MYH15: variants seen among roughly 807,000 people sequenced by gnomAD.
MYH15 encodes the protein myosin heavy chain 15.
MYH15 carries 227 observed loss-of-function variants against 240.5 expected under a neutral mutation model. The ratio of observed to expected loss-of-function variants is 0.94; its 90% CI spans 0.85 to 1.05. The LOEUF (loss-of-function observed/expected upper bound fraction) is 1.05, where lower values mean the gene tolerates loss of function less well. Among genes scored for constraint, MYH15 ranks in the 50% least tolerant of loss-of-function variants. The probability of loss-of-function intolerance (pLI) is 0.00; values close to 1 mark genes in which losing one functional copy is unlikely to be tolerated. For missense variants in MYH15, 2,217 were observed against 2,247.5 expected, an observed-to-expected ratio of 0.99 and a Z score of 0.27; for synonymous variants, 785 against 796.7, an observed-to-expected ratio of 0.99 and a Z score of 0.25.
Position 108,463,223 on chromosome 3 carries a change from A to G in MYH15, c.1752T>C (p.Gly584=), listed in dbSNP as rs1479045178. 6 of 1,611,272 alleles carry G rather than the reference A, an allele frequency of 3.7e-6. No homozygotes were observed. The highest frequency in any genetic ancestry group is 1.3e-5 in the African/African-American group (1 of 74,706). ...GGAGGTCTTTGTTCTTTTCCAGCCAACCACTGATATTATAAGGTACCTTTG... is the reference window on the plus strand; with the variant it reads ...GGAGGTCTTTGTTCTTTTCCAGCCAGCCACTGATATTATAAGGTACCTTTG... ...YAGVVPYNIS[G]WLEKNKDLLN... Residue 584 remains glycine, a synonymous_variant, in exon 16 of 41, where the codon GGT becomes GGC. Coordinates refer to ENST00000693548, the MANE Select transcript of MYH15 (RefSeq NM_014981.3).
chr3:108,464,653 G>C lies in MYH15; in HGVS notation c.1716C>G (p.Val572=), dbSNP rs767643785. 6 of 1,612,384 alleles carry C rather than the reference G, an allele frequency of 3.7e-6. No individual in the cohort carries two copies. The highest frequency in any genetic ancestry group is 5.1e-6 in the Non-Finnish European group (6 of 1,179,340). ...KKKFEAHFEL[V]HYAGVVPYNI... ...GGTAACTCACCACTCCTGCATAATGGACAAGTTCAAAATGAGCTTCAAATT... is the reference window on the plus strand; with the variant it reads ...GGTAACTCACCACTCCTGCATAATGCACAAGTTCAAAATGAGCTTCAAATT... The change falls in exon 15 of 41, where the codon GTC becomes GTG. Residue 572 remains valine, a synonymous_variant. Coordinates refer to ENST00000693548, the MANE Select transcript of MYH15 (RefSeq NM_014981.3).
chr3:108,395,553 G>A (rs1203498904), intron 35 of MYH15, among the ~76,000 whole-genome samples: 1 of 151,558 alleles, frequency 6.6e-6, no homozygotes, highest in East Asian at 1.9e-4. Context: ...TTTGTACATA[G>A]AATCCTTTAA....
chr3:108,505,252 T>C (rs548672218), intron 2 of MYH15, among the ~76,000 whole-genome samples: 37 of 152,218 alleles, frequency 2.4e-4, no homozygotes, highest in African/African-American at 8.4e-4. Flanking sequence ...AAATCTTTGA[T>C]GGTAAGTGGA....
chr3:108,534,402 AT>A, the MYH15 span, among the ~76,000 whole-genome samples: 4 of 152,244 alleles, frequency 2.6e-5, no homozygotes, highest in Non-Finnish European at 5.9e-5. Flanking sequence ...TTAAAGCTAA[AT>A]TAAAACTATT....
At chr3:108,510,610 G>C (rs193241491), upstream of MYH15, 66 of 1,591,872 alleles carry the variant, frequency 4.1e-5, no homozygotes, top group Non-Finnish European at 5.5e-5. Context: ...AATTGATACA[G>C]AGAAGAAAAA....
intron 6 of MYH15, among the ~76,000 whole-genome samples, chr3:108,497,660 T>G (rs2083401988): frequency 6.6e-6 from 1 of 152,148 alleles, no homozygotes; most frequent in Admixed American, 6.6e-5. Context: ...AAGAAAAATT[T>G]TATTGGTGCA....
rs372618528 is a variant in MYH15, at chr3:108,510,499, G to A, written c.32C>T (p.Ala11Val). 3 of 1,613,352 alleles carry A rather than the reference G, an allele frequency of 1.9e-6. No individual in the cohort carries two copies. Among genetic ancestry groups the A allele is most frequent in the South Asian group, 2.2e-5 (2 of 90,992 alleles). The part of the protein sequence containing the change: MDLSDLGEAA[A>V]FLRRSEAELL... Reference sequence around the variant, plus strand: ...CTCAGCTTCACTTCTTCTGAGGAAGGCTGCGGCTTCTCCAAGGTCTGACAG... The same window carrying A: ...CTCAGCTTCACTTCTTCTGAGGAAGACTGCGGCTTCTCCAAGGTCTGACAG... The change falls in exon 1 of 41, where the codon GCC (alanine) becomes GTC (valine). Residue 11 changes from alanine to valine, a missense_variant. Physicochemically the swap from Ala to Val is moderately conservative, Grantham distance 64. Coordinates refer to ENST00000693548, the MANE Select transcript of MYH15 (RefSeq NM_014981.3).
chr3:108,434,090 A>G (rs1049629664), intron 25 of MYH15, among the ~76,000 whole-genome samples: 1 of 151,094 alleles, frequency 6.6e-6, no homozygotes, highest in South Asian at 2.1e-4. Context: ...TATTGATAAT[A>G]GCATTTATAT....
At chr3:108,529,561 AT>A (rs930882726), upstream of MYH15, among the ~76,000 whole-genome samples, 7 of 152,246 alleles carry the variant, frequency 4.6e-5, no homozygotes, top group Non-Finnish European at 8.8e-5. Flanking sequence ...GGCAAAACAC[AT>A]TTTTTCAAAC....
chr3:108,384,854 G>T, intron 38 of MYH15, 72 bp from the exon 39 acceptor site: 1 of 1,299,262 alleles, frequency 7.7e-7, no homozygotes. Context: ...AGTCTCATGT[G>T]GGGAAATAAG....
At chr3:108,401,792 T>C (rs2082507825) in intron 33 of MYH15, among the ~76,000 whole-genome samples, 1 of 152,208 alleles carries the variant, frequency 6.6e-6, no homozygotes, top group Non-Finnish European at 1.5e-5. Context: ...TTAAAAGGCA[T>C]GGGTATAATA....
chr3:108,458,825 A>G (rs905231471), intron 18 of MYH15, among the ~76,000 whole-genome samples: 5 of 152,074 alleles, frequency 3.3e-5, no homozygotes, highest in African/African-American at 1.2e-4. Flanking sequence ...AAAGATAGCC[A>G]CTACCCAGAG....
chr3:108,500,371 CT>C, intron 3 of MYH15, 97 bp from the exon 4 acceptor site: 1 of 1,315,478 alleles, frequency 7.6e-7, no homozygotes, highest in Non-Finnish European at 1.0e-6. Flanking sequence ...TCAAATATTA[CT>C]TATAAAGGAA....
At chr3:108,526,967 T>C (rs1159148868) in intron 1 of MYH15, among the ~76,000 whole-genome samples, 2 of 152,210 alleles carry the variant, frequency 1.3e-5, no homozygotes, top group Non-Finnish European at 2.9e-5. Context: ...ACCTATGTTC[T>C]TACATTTCAA....
chr3:108,541,714 C>A, the MYH15 span, among the ~76,000 whole-genome samples: 3 of 152,050 alleles, frequency 2.0e-5, no homozygotes, highest in Non-Finnish European at 2.9e-5. Flanking sequence ...TGTATAATAA[C>A]TGCAATGTCT....
At chr3:108,444,067 C>T (rs1239000609) in intron 22 of MYH15, among the ~76,000 whole-genome samples, 1 of 149,708 alleles carries the variant, frequency 6.7e-6, no homozygotes, top group Non-Finnish European at 1.5e-5. Context: ...TTAATGGGTG[C>T]AGCACACCAG....
intron 27 of MYH15, among the ~76,000 whole-genome samples, chr3:108,422,175 A>G (rs1260980510): frequency 1.3e-5 from 2 of 151,836 alleles, no homozygotes. Flanking sequence ...CAGATTTTAC[A>G]TAGCTGTTTT....
intron 21 of MYH15, among the ~76,000 whole-genome samples, chr3:108,449,319 ATTACC>A: frequency 6.6e-6 from 1 of 152,068 alleles, no homozygotes; most frequent in East Asian, 1.9e-4. Flanking sequence ...GAAGAATCAC[ATTACC>A]TAATTTCAAA....
chr3:108,526,889 C>T (rs1259775872), intron 1 of MYH15, among the ~76,000 whole-genome samples: 1 of 152,126 alleles, frequency 6.6e-6, no homozygotes, highest in Non-Finnish European at 1.5e-5. Flanking sequence ...AATTGAAAAA[C>T]AGATCAAACG....
Sources: gnomAD v4.1 joint callset for allele counts (sites outside exome capture counted in the v4.1 genomes callset) on GRCh38, gnomAD v4.1.1 for gene constraint, MANE v1.5 for transcripts, NCBI Gene and HGNC (gene_info 2026-07-23, HGNC 2026-07-21) for gene names.